MGAM2: variants seen among roughly 807,000 people sequenced by gnomAD.
MGAM2 encodes the protein maltase-glucoamylase 2 (putative).
MGAM2 carries 98 observed loss-of-function variants against 96.1 expected under a neutral mutation model. That is an observed-to-expected ratio of 1.02 (90% CI 0.87 to 1.21). MGAM2 has a LOEUF of 1.21. Ranked by LOEUF, MGAM2 falls within the 50% of genes most tolerant of loss-of-function variation. The pLI is 0.00. For missense variants in MGAM2, 2,055 were observed against 1,182.4 expected, an observed-to-expected ratio of 1.74 and a Z score of -10.82; for synonymous variants, 749 against 414.8, an observed-to-expected ratio of 1.81 and a Z score of -9.79.
intron 46 of MGAM2, among the ~76,000 whole-genome samples, chr7:142,210,388 T>C (rs1228024474): frequency 1.3e-5 from 2 of 151,700 alleles, no homozygotes; most frequent in Non-Finnish European, 2.9e-5. Context: ...CCGAGTGCCC[T>C]TGCTCAGCGG....
chr7:142,161,701 T>C (rs937078184), intron 22 of MGAM2, among the ~76,000 whole-genome samples: 1 of 152,224 alleles, frequency 6.6e-6, no homozygotes, highest in Admixed American at 6.5e-5. Flanking sequence ...GCAGGATAGA[T>C]ACAATGCACA....
At position 142,171,270 on chromosome 7, in the gene MGAM2, A is replaced by T. The variant is rs1035182536; in HGVS notation, c.3183-2A>T. ...TCAGCGTGATCTGCTTTTGTGTTGC[A>T]GTTGGGATTCTCAACTCCCTGGCTT... On this transcript the variant is annotated splice_acceptor_variant, in intron 27 of 47. Transcript: ENST00000477922. LOFTEE classifies it high-confidence loss of function. 1 of 702,410 alleles carries T rather than the reference A, an allele frequency of 1.4e-6. No homozygotes were observed. Among genetic ancestry groups the T allele is most frequent in the Non-Finnish European group, 2.6e-6 (1 of 384,532 alleles). 43.5% of individuals were successfully genotyped at this position (702,410 alleles called of 1,614,324 possible).
intron 15 of MGAM2, among the ~76,000 whole-genome samples, chr7:142,149,510 C>T (rs1333546150): frequency 6.6e-6 from 1 of 152,110 alleles, no homozygotes; most frequent in Admixed American, 6.6e-5. Context: ...ACACAAATAT[C>T]CAAAACAATC....
rs193143792 is a variant in MGAM2 at position 142,221,350 on chromosome 7, C to T, written c.6839C>T (p.Thr2280Ile). 108 of 626,154 alleles carry T rather than the reference C, an allele frequency of 1.7e-4. No homozygotes were observed. In the African/African-American group the frequency reaches 1.8e-3, roughly 10 times the overall value. 38.8% of individuals were successfully genotyped at this position (626,154 alleles called of 1,614,324 possible). Residue 2280 changes from threonine (T) to isoleucine (I), a missense_variant, in exon 48 of 48, where the codon ACT (threonine) becomes ATT (isoleucine). Physicochemically the swap from Thr to Ile is moderately conservative, Grantham distance 89 (BLOSUM62 -1). Transcript: ENST00000477922. ...CCTTCTCCAAGTACTGATGCTACTA[C>T]TACAAGTAATAATACTAATCCTGGC... ...TTPSPSTDATTTSNNTNPGMT... is the reference protein window; with the variant it reads ...TTPSPSTDATITSNNTNPGMT...
At chr7:142,138,833 G>T (rs535484937) in intron 10 of MGAM2, among the ~76,000 whole-genome samples, 166 bp downstream of exon 10, 2 of 152,330 alleles carry the variant, frequency 1.3e-5, no homozygotes, top group South Asian at 2.1e-4. Context: ...AGCATGAAAA[G>T]TATACTGTTA....
At chr7:142,194,662 A>T (rs1442324957) in intron 37 of MGAM2, among the ~76,000 whole-genome samples, 1 of 150,900 alleles carries the variant, frequency 6.6e-6, no homozygotes, top group Admixed American at 6.6e-5. Flanking sequence ...CAGGTGGTTT[A>T]TATATTCTTT....
chr7:142,199,052 C>A (rs759252907), intron 44 of MGAM2, among the ~76,000 whole-genome samples: 4 of 152,170 alleles, frequency 2.6e-5, no homozygotes, highest in Non-Finnish European at 4.4e-5. Flanking sequence ...TGTTAATGAG[C>A]TCTTTGACTT....
intron 45 of MGAM2, among the ~76,000 whole-genome samples, chr7:142,207,282 T>C (rs1323482045): frequency 6.6e-6 from 1 of 152,168 alleles, no homozygotes. Context: ...TTATATACTA[T>C]GTCACTGGTG....
rs542340416 is a variant in MGAM2 at position 142,208,610 on chromosome 7, T to C, written c.5175T>C (p.Phe1725=). 9 of 702,896 alleles carry C rather than the reference T, an allele frequency of 1.3e-5. No homozygotes were observed. Among genetic ancestry groups the C allele is most frequent in the South Asian group, 5.9e-5 (4 of 67,574 alleles). 43.5% of individuals were successfully genotyped at this position (702,896 alleles called of 1,614,324 possible). Reference sequence around the variant, plus strand: ...ATGGAAATTATTTTTTGGCAAACTTTATAGCAGCTCAGGTAAGACTAATTT... The same window carrying C: ...ATGGAAATTATTTTTTGGCAAACTTCATAGCAGCTCAGGTAAGACTAATTT... ...YENGNYFLAN[F]IAAQNILQIQ... Residue 1725 remains phenylalanine (F), a synonymous_variant, in exon 46 of 48, where the codon TTT becomes TTC. Coordinates refer to ENST00000477922, the MANE Select transcript of MGAM2 (RefSeq NM_001293626.2).
chr7:142,112,792 A>G (rs1817218854), intron 1 of MGAM2, among the ~76,000 whole-genome samples: 1 of 152,232 alleles, frequency 6.6e-6, no homozygotes, highest in Non-Finnish European at 1.5e-5. Context: ...CAGGGATTTT[A>G]TGAGAATACA....
rs758423261 is a variant in MGAM2 at position 142,196,230 on chromosome 7, G to A, written c.4423G>A (p.Gly1475Arg). ...ATTTCCCTCTTCTGGACGCTGGGGA[G>A]GACACCGGTTGGGAAACAACACAGC... ...STFPSSGRWG[G>R]HRLGNNTAAW... The change falls in exon 38 of 48, where the codon GGA becomes AGA. Residue 1475 changes from glycine (G) to arginine (R), a missense_variant. Coordinates refer to ENST00000477922, the MANE Select transcript of MGAM2 (RefSeq NM_001293626.2). The A allele has an allele frequency of 1.0e-5, 10 of 1,004,052 alleles. No individual in the cohort carries two copies. Among genetic ancestry groups the A allele is most frequent in the South Asian group, 1.4e-5 (1 of 73,230 alleles). The allele number at this position is 1,004,052 out of a possible 1,614,324, so 62.2% of individuals were successfully genotyped here.
intron 36 of MGAM2, among the ~76,000 whole-genome samples, chr7:142,188,525 G>T (rs1796773581): frequency 6.6e-6 from 1 of 152,108 alleles, no homozygotes. Context: ...ACAGAATCTA[G>T]AATTCAAGTT....
At chr7:142,187,672 C>T in intron 35 of MGAM2, 78 bp from the exon 36 acceptor site, 1 of 663,964 alleles carries the variant, frequency 1.5e-6, no homozygotes, top group Non-Finnish European at 2.8e-6. Context: ...AAAGTCATCT[C>T]CCTGAGTTAG....
At chr7:142,176,469 G>A (rs568050707) in intron 32 of MGAM2, among the ~76,000 whole-genome samples, 5 of 100,686 alleles carry the variant, frequency 5.0e-5, no homozygotes, top group Admixed American at 4.6e-4. Flanking sequence ...GTGTGTGTGT[G>A]TGAGGGTGCA....
Position 142,221,616 on chromosome 7 carries a change from A to C in MGAM2, c.7105A>C (p.Ser2369Arg), listed in dbSNP as rs1797931771. The stretch of plus-strand genomic sequence containing the variant: ...TACCAGCACCAAAGATAATACCATG[A>C]GTCCAGATACAACAGTTACTTCCAT... ...TTTSTKDNTM[S>R]PDTTVTSIDK... Residue 2369 changes from serine (S) to arginine (R), a missense_variant, in exon 48 of 48, where the codon AGT becomes CGT. Transcript: ENST00000477922. The C allele has an allele frequency of 2.1e-6, 1 of 485,788 alleles. No homozygotes were observed. The highest frequency in any genetic ancestry group is 5.0e-5 in the South Asian group (1 of 20,052). 30.1% of individuals were successfully genotyped at this position (485,788 alleles called of 1,614,324 possible).
rs1251144551 is a variant in MGAM2, at chr7:142,116,970, G to C, written c.97G>C (p.Glu33Gln). The change falls in exon 2 of 48, where the codon GAA (glutamate) becomes CAA (glutamine). Residue 33 changes from glutamate (E) to glutamine (Q), a missense_variant. Glu to Gln is a conservative substitution (Grantham distance 29). Transcript: ENST00000477922. ...CCTCTTGCTGCTTCTTGTGTTGGAGGAAACTTCAGGTAAGGGAGATGCTTG... is the reference window on the plus strand; with the variant it reads ...CCTCTTGCTGCTTCTTGTGTTGGAGCAAACTTCAGGTAAGGGAGATGCTTG... The part of the protein sequence containing the change: ...DILLLLLVLE[E>Q]TSDTSFTPEC... 10 of 703,136 alleles carry C rather than the reference G, an allele frequency of 1.4e-5. No individual in the cohort carries two copies. The highest frequency in any genetic ancestry group is 2.3e-5 in the Non-Finnish European group (9 of 384,988). 43.6% of individuals were successfully genotyped at this position (703,136 alleles called of 1,614,324 possible).
intron 3 of MGAM2, among the ~76,000 whole-genome samples, chr7:142,124,694 G>A (rs1052448954): frequency 6.6e-5 from 10 of 152,108 alleles, no homozygotes; most frequent in Non-Finnish European, 1.5e-4. Flanking sequence ...TTACAAGGGT[G>A]AATATTTCAA....
chr7:142,214,834 T>A (rs772351597), intron 46 of MGAM2, among the ~76,000 whole-genome samples: 2 of 152,170 alleles, frequency 1.3e-5, no homozygotes, highest in Admixed American at 6.5e-5. Context: ...GAAATAGGAA[T>A]GCTTTTACAC....
In MGAM2 at chr7:142,129,069, C is replaced by T. The variant is rs371541450; in HGVS notation, c.187-1879C>T. On this transcript the variant is annotated intron_variant, in intron 3 of 47. Coordinates refer to ENST00000477922, the MANE Select transcript of MGAM2 (RefSeq NM_001293626.2). ...GCAGAGCTGCTCAAGGCTGTGGGAG[C>T]CCACCTCTCACATCAGCATGACCTG... Among the ~76,000 whole-genome samples, 37 of 152,314 alleles carry T rather than the reference C, an allele frequency of 2.4e-4. No individual in the cohort carries two copies. In the South Asian group the frequency reaches 7.7e-3, roughly 32 times the overall value.
Sources: gnomAD v4.1 joint callset for allele counts (sites outside exome capture counted in the v4.1 genomes callset) on GRCh38, gnomAD v4.1.1 for gene constraint, MANE v1.5 for transcripts, NCBI Gene and HGNC (gene_info 2026-07-23, HGNC 2026-07-21) for gene names.